Variants in KDM4A observed in about 807,000 individuals in gnomAD.
The protein encoded by KDM4A is lysine demethylase 4A.
KDM4A carries 23 observed loss-of-function variants against 127.1 expected under a neutral mutation model. The ratio of observed to expected loss-of-function variants is 0.18; its 90% confidence interval spans 0.13 to 0.26. KDM4A has a LOEUF of 0.26. Ranked by LOEUF, KDM4A falls within the 10% of genes least tolerant of loss-of-function variation. The probability of loss-of-function intolerance (pLI) is 1.00; values close to 1 mark genes in which losing one functional copy is unlikely to be tolerated. For missense variants in KDM4A, 890 were observed against 1,329.1 expected, an observed-to-expected ratio of 0.67 and a Z score of 5.14; for synonymous variants, 443 against 466.5, an observed-to-expected ratio of 0.95 and a Z score of 0.65.
intron 19 of KDM4A, among the ~76,000 whole-genome samples, chr1:43,701,466 G>T (rs1279646668): frequency 6.6e-6 from 1 of 152,098 alleles, no homozygotes; most frequent in Non-Finnish European, 1.5e-5. Context: ...TAGTTTGTCA[G>T]TCACTTTTTT....
chr1:43,660,442 T>G (rs1195052297), intron 4 of KDM4A, 30 bp downstream of exon 4: 9 of 1,563,174 alleles, frequency 5.8e-6, no homozygotes, highest in Non-Finnish European at 7.8e-6. Flanking sequence ...CTCTGTGCAG[T>G]GTTTTTGTAA....
chr1:43,655,531 G>A lies in KDM4A; in HGVS notation c.139-60G>A, dbSNP rs1000644037. 3 of 1,462,984 alleles carry A rather than the reference G, an allele frequency of 2.1e-6. No individual in the cohort carries two copies. In the Admixed American group the frequency reaches 5.9e-5, roughly 29 times the overall value. The allele number at this position is 1,462,984 out of a possible 1,614,324, so 90.6% of individuals were successfully genotyped here. A position where few individuals can be genotyped will look rare whatever the true frequency, so the allele number is the denominator to read the frequency against. On this transcript the variant is annotated intron_variant, in intron 2 of 21. Transcript: ENST00000372396. ...GTTGGCTGGTAACTACATGCTTCCTGGACTCTGACTGGCTTGCCAGGTTTC... is the reference window on the plus strand; with the variant it reads ...GTTGGCTGGTAACTACATGCTTCCTAGACTCTGACTGGCTTGCCAGGTTTC...
chr1:43,671,453 T>A, intron 10 of KDM4A, 52 bp from the exon 11 acceptor site: 2 of 1,492,102 alleles, frequency 1.3e-6, no homozygotes, highest in Non-Finnish European at 1.8e-6. Context: ...TTTCATCAGG[T>A]TCACATGTGC....
intron 19 of KDM4A, among the ~76,000 whole-genome samples, chr1:43,701,759 T>C (rs549249457): frequency 3.9e-5 from 6 of 152,314 alleles, no homozygotes; most frequent in African/African-American, 1.4e-4. Context: ...AAGTGAGGGA[T>C]TACAGGCATG....
At chr1:43,653,023 T>C (rs1317382216) in intron 1 of KDM4A, 114 bp from the exon 2 acceptor site, 3 of 571,420 alleles carry the variant, frequency 5.3e-6, no homozygotes, top group Admixed American at 7.8e-5. Flanking sequence ...AGGTGTGAAG[T>C]CTTAACTGTG....
chr1:43,652,517 A>T (rs994757890), intron 1 of KDM4A, among the ~76,000 whole-genome samples: 3 of 149,856 alleles, frequency 2.0e-5, no homozygotes, highest in African/African-American at 5.1e-5. Flanking sequence ...TTGTTTATTT[A>T]AAAAAAATTT....
At chr1:43,697,794 G>C in intron 18 of KDM4A, 49 bp from the exon 19 acceptor site, 1 of 1,559,166 alleles carries the variant, frequency 6.4e-7, no homozygotes, top group Non-Finnish European at 8.8e-7. Flanking sequence ...CCATATGCCA[G>C]GCCTGCAAAC....
chr1:43,679,102 T>C (rs748161012), intron 11 of KDM4A, among the ~76,000 whole-genome samples: 1 of 152,186 alleles, frequency 6.6e-6, no homozygotes, highest in Non-Finnish European at 1.5e-5. Context: ...AACCCAGCCC[T>C]TTTCAAAAGC....
chr1:43,694,657 A>G lies in KDM4A; in HGVS notation c.2485-52A>G. 1 of 1,507,938 alleles carries G rather than the reference A, an allele frequency of 6.6e-7. No individual in the cohort carries two copies. The highest frequency in any genetic ancestry group is 9.1e-7 in the Non-Finnish European group (1 of 1,096,850). The allele number at this position is 1,507,938 out of a possible 1,614,324, so 93.4% of individuals were successfully genotyped here. On this transcript the variant is annotated intron_variant, in intron 17 of 21. Transcript: ENST00000372396. The surrounding 1 kb of genome is among the most constrained non-coding windows in gnomAD (Gnocchi z 5.2). The stretch of plus-strand genomic sequence containing the variant: ...GCATTTGGGAGGGGAACAACAGAGG[A>G]AGCTGCAGTGCCAGTTCCTGCAATC...
At chr1:43,700,386 CA>C (rs1430061594) in intron 19 of KDM4A, among the ~76,000 whole-genome samples, 1 of 152,192 alleles carries the variant, frequency 6.6e-6, no homozygotes, top group African/African-American at 2.4e-5. Flanking sequence ...CTCGGCCTCC[CA>C]AAGTGCTGGG....
chr1:43,671,310 A>G (rs573550929), intron 10 of KDM4A, among the ~76,000 whole-genome samples, 195 bp from the exon 11 acceptor site: 1 of 152,260 alleles, frequency 6.6e-6, no homozygotes, highest in South Asian at 2.1e-4. Flanking sequence ...GCATCTTCTC[A>G]TTACAGAGGA....
Position 43,693,334 on chromosome 1 carries a change from G to GTT in KDM4A, c.2376-657_2376-656dup, listed in dbSNP as rs1661166988. 6.6e-6 allele frequency among the ~76,000 whole-genome samples: 1 copy of GTT among 152,184 alleles called. No homozygotes were observed. Among genetic ancestry groups the GTT allele is most frequent in the African/African-American group, 2.4e-5 (1 of 41,426 alleles). On this transcript the variant is annotated intron_variant, in intron 16 of 21. Coordinates refer to ENST00000372396, the MANE Select transcript of KDM4A (RefSeq NM_014663.3). This position sits in a 1 kb window ranked among gnomAD's most constrained non-coding sequence, Gnocchi z 4.2. ...GGAGCCCCAGTGTTGTCTGGTGTAG[G>GTT]TTTTCACGTAGCATGGTTTTAAGAG...
chr1:43,684,012 C>T (rs1222014651), intron 12 of KDM4A, among the ~76,000 whole-genome samples: 1 of 152,162 alleles, frequency 6.6e-6, no homozygotes, highest in African/African-American at 2.4e-5. Flanking sequence ...TGCAGTGTAC[C>T]TTAATAGGGG....
intron 11 of KDM4A, among the ~76,000 whole-genome samples, chr1:43,675,415 G>C (rs1660718989): frequency 6.6e-6 from 1 of 152,240 alleles, no homozygotes; most frequent in African/African-American, 2.4e-5. Flanking sequence ...TTGCAGTGTA[G>C]AGTTCTGGAC....
In KDM4A at chr1:43,694,108, G is replaced by A. The variant is rs763562132; in HGVS notation, c.2484+6G>A. ...CCCTGCCCCGCTTCAAACTGGTAAG[G>A]GCTTGTAGACTCTACATAATTTCCC... On this transcript the variant is annotated splice_donor_region_variant and intron_variant, in intron 17 of 21. Coordinates refer to ENST00000372396, the MANE Select transcript of KDM4A (RefSeq NM_014663.3). The surrounding 1 kb of genome is among the most constrained non-coding windows in gnomAD (Gnocchi z 5.2). The A allele has an allele frequency of 6.2e-6, 10 of 1,606,136 alleles. No homozygotes were observed. The African/African-American group carries it at 1.3e-4, about 21-fold the overall frequency.
At chr1:43,676,962 C>T (rs1660754581) in intron 11 of KDM4A, among the ~76,000 whole-genome samples, 1 of 152,142 alleles carries the variant, frequency 6.6e-6, no homozygotes, top group Non-Finnish European at 1.5e-5. Flanking sequence ...TATTTGTGCC[C>T]ATTAATCTGC....
At chr1:43,697,453 A>C (rs1661267704) in intron 18 of KDM4A, among the ~76,000 whole-genome samples, 1 of 152,262 alleles carries the variant, frequency 6.6e-6, no homozygotes, top group South Asian at 2.1e-4. Context: ...GATGTGGTGC[A>C]GCTTTGCCTG....
At chr1:43,666,881 G>A in intron 7 of KDM4A, 73 bp from the exon 8 acceptor site, 2 of 1,493,504 alleles carry the variant, frequency 1.3e-6, no homozygotes, top group South Asian at 1.2e-5. Flanking sequence ...GCTAAGTTGT[G>A]GTGGAGCTCA....
At chr1:43,683,847 A>C in intron 12 of KDM4A, 43 bp downstream of exon 12, 1 of 1,609,262 alleles carries the variant, frequency 6.2e-7, no homozygotes. Context: ...GCAGCTCACC[A>C]CATTAGACTT....
Sources: allele counts gnomAD v4.1 joint callset (sites outside exome capture counted in the v4.1 genomes callset), GRCh38; gene constraint gnomAD v4.1.1; non-coding constraint Gnocchi (gnomAD v3.1); transcripts MANE v1.5; gene names NCBI Gene and HGNC (gene_info 2026-07-23, HGNC 2026-07-21).